The following NELL1 variants were observed in gnomAD, a reference collection of about 807,000 sequenced individuals.
NELL1 encodes neural EGFL like 1.
NELL1 carries 76 observed loss-of-function variants against 107.4 expected under a neutral mutation model. That is an observed-to-expected ratio of 0.71 (90% CI 0.59 to 0.86). NELL1 has a LOEUF of 0.86. NELL1 is among the 40% of genes least tolerant of loss of function. The pLI, the probability that NELL1 is intolerant of heterozygous loss-of-function variation, is 0.00. For missense variants in NELL1, 1,024 were observed against 1,005.5 expected (o/e 1.02, Z -0.25); for synonymous variants, 353 against 341.2 (o/e 1.03, Z -0.38).
chr11:21,076,584 T>C (rs1013102452), intron 12 of NELL1, among the ~76,000 whole-genome samples: 4 of 152,214 alleles, frequency 2.6e-5, no homozygotes, highest in Non-Finnish European at 5.9e-5. Flanking sequence ...GGAGCTGTAT[T>C]TGATGAGTGA....
intron 15 of NELL1, among the ~76,000 whole-genome samples, chr11:21,449,474 CAT>C (rs1347872183): frequency 6.6e-6 from 1 of 152,004 alleles, no homozygotes; most frequent in East Asian, 1.9e-4. Flanking sequence ...TGATATTTGA[CAT>C]ATGAAAATAT....
At chr11:20,801,435 C>T (rs150510266) in intron 3 of NELL1, among the ~76,000 whole-genome samples, 13 of 152,170 alleles carry the variant, frequency 8.5e-5, no homozygotes, top group African/African-American at 3.1e-4. Context: ...AGATTTTTTC[C>T]CCATAGAGTT....
intron 13 of NELL1, among the ~76,000 whole-genome samples, chr11:21,183,747 C>A (rs986477858): frequency 6.6e-6 from 1 of 151,584 alleles, no homozygotes; most frequent in African/African-American, 2.4e-5. Flanking sequence ...GGAACCATGC[C>A]GACCCAACAG....
intron 14 of NELL1, among the ~76,000 whole-genome samples, chr11:21,278,549 C>T (rs957125958): frequency 1.1e-4 from 16 of 151,748 alleles, no homozygotes; most frequent in Admixed American, 9.2e-4. Flanking sequence ...TATTAGCAAC[C>T]CCAAAATGAT....
At chr11:20,868,106 G>A (rs1262304632) in intron 4 of NELL1, among the ~76,000 whole-genome samples, 1 of 152,154 alleles carries the variant, frequency 6.6e-6, no homozygotes, top group African/African-American at 2.4e-5. Flanking sequence ...TGTGATGTGA[G>A]AGCAGATGTT....
At chr11:21,564,475 C>G (rs1259108337) in intron 17 of NELL1, among the ~76,000 whole-genome samples, 4 of 151,882 alleles carry the variant, frequency 2.6e-5, no homozygotes, top group Admixed American at 2.6e-4. Context: ...GAACCAGGGT[C>G]TGCAAGTTGG....
chr11:21,521,438 C>T (rs548171544), intron 15 of NELL1, among the ~76,000 whole-genome samples: 61 of 152,160 alleles, frequency 4.0e-4, no homozygotes, highest in Non-Finnish European at 7.5e-4. Context: ...ACATTCCACA[C>T]GCACTTGTAA....
At chr11:21,202,013 G>A (rs1288626968) in intron 13 of NELL1, among the ~76,000 whole-genome samples, 1 of 152,158 alleles carries the variant, frequency 6.6e-6, no homozygotes, top group African/African-American at 2.4e-5. Context: ...TTGATGTGCT[G>A]CCGGATTCGG....
chr11:21,504,700 A>G (rs918625596), intron 15 of NELL1, among the ~76,000 whole-genome samples: 1 of 152,168 alleles, frequency 6.6e-6, no homozygotes, highest in Admixed American at 6.5e-5. Context: ...GGGAGAATGT[A>G]TACTACTCTA....
At chr11:21,160,356 T>A (rs1298776856) in intron 13 of NELL1, among the ~76,000 whole-genome samples, 1 of 152,218 alleles carries the variant, frequency 6.6e-6, no homozygotes, top group East Asian at 1.9e-4. Flanking sequence ...TTGTTTGAAA[T>A]GTCTACTATT....
At chr11:20,830,349 GGAA>G (rs1857982156) in intron 3 of NELL1, among the ~76,000 whole-genome samples, 2 of 151,858 alleles carry the variant, frequency 1.3e-5, no homozygotes, top group Non-Finnish European at 1.5e-5. Context: ...GTCTGTTTAT[GGAA>G]GAAGGAGAAA....
rs1463553365 is a variant in NELL1 at position 20,889,862 on chromosome 11, C to T, written c.603+4322C>T. On this transcript the variant is annotated intron_variant, in intron 5 of 19. Coordinates refer to ENST00000357134, the MANE Select transcript of NELL1 (RefSeq NM_006157.5). The stretch of plus-strand genomic sequence containing the variant: ...GGGACAGAATTCGGATTTCCCTGGG[C>T]CTGAGCCCCTAGCGGGAGAGGTGGC... 2.0e-5 allele frequency among the ~76,000 whole-genome samples: 3 copies of T among 152,308 alleles called. No homozygotes were observed. The East Asian group carries it at 5.8e-4, about 30-fold the overall frequency.
rs114665921 is a variant in NELL1, at chr11:21,124,491, G to A, written c.1426+10777G>A. Among the ~76,000 whole-genome samples, 1,135 of 152,212 alleles carry A rather than the reference G, an allele frequency of 7.5e-3. 16 individuals carry two copies. Among genetic ancestry groups the A allele is most frequent in the African/African-American group, 0.026 (1,066 of 41,532 alleles). ...CAGCTGTAATGAAATACCTGACACT[G>A]GGTAGCTTATAAACAATAGGAATTT... On this transcript the variant is annotated intron_variant, in intron 13 of 19. Transcript: ENST00000357134.
At chr11:21,386,870 T>G (rs970294870) in intron 15 of NELL1, among the ~76,000 whole-genome samples, 2 of 151,930 alleles carry the variant, frequency 1.3e-5, no homozygotes, top group Admixed American at 6.6e-5. Context: ...AGAGTCAGAA[T>G]GGTGAAGGAA....
intron 13 of NELL1, among the ~76,000 whole-genome samples, chr11:21,226,699 C>T (rs1279112174): frequency 6.6e-6 from 1 of 152,046 alleles, no homozygotes; most frequent in South Asian, 2.1e-4. Context: ...ACAAAATTTG[C>T]AAATATCATC....
chr11:20,758,380 G>A (rs1047980444), intron 2 of NELL1, among the ~76,000 whole-genome samples: 3 of 152,092 alleles, frequency 2.0e-5, no homozygotes, highest in Admixed American at 6.5e-5. Flanking sequence ...GAACTTCCAT[G>A]AATCTGGCTC....
intron 2 of NELL1, among the ~76,000 whole-genome samples, chr11:20,762,933 A>G (rs1186094205): frequency 1.3e-5 from 2 of 151,932 alleles, no homozygotes; most frequent in Non-Finnish European, 2.9e-5. Context: ...GAAGAAAGAC[A>G]CTCGTCCTGT....
chr11:21,003,766 G>A (rs1296350516), intron 12 of NELL1, among the ~76,000 whole-genome samples: 2 of 152,032 alleles, frequency 1.3e-5, no homozygotes, highest in African/African-American at 4.8e-5. Context: ...ACTAATGCTA[G>A]ATTACCTTTT....
rs1279396937 is a variant in NELL1 at position 21,575,045 on chromosome 11, CAGA to C, written c.*28_*30del. The C allele has an allele frequency of 1.3e-6, 2 of 1,590,818 alleles. No individual in the cohort carries two copies. The highest frequency in any genetic ancestry group is 1.7e-6 in the Non-Finnish European group (2 of 1,160,110). On this transcript the variant is annotated 3_prime_UTR_variant, in exon 20 of 20. Transcript: ENST00000357134. ...TGAAGTATTTACAGTGGACTCAACG[CAGA>C]AGAATGGACGAAATGACCATCCAAC... is the stretch of plus-strand genomic sequence containing the variant.
Sources: gnomAD v4.1 joint callset for allele counts (sites outside exome capture counted in the v4.1 genomes callset) on GRCh38, gnomAD v4.1.1 for gene constraint, MANE v1.5 for transcripts, NCBI Gene and HGNC (gene_info 2026-07-23, HGNC 2026-07-21) for gene names.